Variants in PPEF2 observed in about 807,000 individuals in gnomAD.
The protein encoded by PPEF2 is protein phosphatase with EF-hand domain 2.
PPEF2 carries 84 observed loss-of-function variants against 84.7 expected under a neutral mutation model. That is an observed-to-expected ratio of 0.99 (90% CI 0.83 to 1.19). The LOEUF is 1.19. PPEF2 is among the 50% of genes most tolerant of loss of function. PPEF2 has a pLI of 0.00. For synonymous variants in PPEF2, 346 were observed against 345.2 expected (o/e 1.00, Z -0.03); for missense variants, 924 against 937.5 (o/e 0.99, Z 0.19).
Position 75,890,040 on chromosome 4 carries a change from C to A in PPEF2, c.334G>T (p.Asp112Tyr). 1 of 1,614,066 alleles carries A rather than the reference C, an allele frequency of 6.2e-7. No homozygotes were observed. The highest frequency in any genetic ancestry group is 8.5e-7 in the Non-Finnish European group (1 of 1,180,004). The change falls in exon 5 of 17, where the codon GAC becomes TAC. Residue 112 changes from aspartate to tyrosine, a missense_variant. Transcript: ENST00000286719. ...CSDYESIEVP[D>Y]SYTGPRLSFP... ...GAGAGGCGTGGCCCCGTGTAACTGT[C>A]GGGTACCTCTATGGATTCATAGTCA...
At chr4:75,902,154 T>C (rs538183201) in intron 1 of PPEF2, 76 bp downstream of exon 1, 5 of 152,338 alleles carry the variant, frequency 3.3e-5, no homozygotes, top group African/African-American at 1.2e-4. Context: ...TCTGTATTTA[T>C]TTCCTAGGTA....
intron 9 of PPEF2, 32 bp downstream of exon 9, chr4:75,883,134 G>C: frequency 6.2e-7 from 1 of 1,613,768 alleles, no homozygotes. Context: ...TATCTGAACT[G>C]AGAGAAACTT....
chr4:75,870,898 T>TA (rs2149216263), intron 13 of PPEF2, among the ~76,000 whole-genome samples: 1 of 150,930 alleles, frequency 6.6e-6, no homozygotes, highest in Admixed American at 6.6e-5. Context: ...TTTATTTATT[T>TA]ATTTATTTTT....
At chr4:75,888,140 C>G in intron 6 of PPEF2, 74 bp downstream of exon 6, 1 of 1,195,204 alleles carries the variant, frequency 8.4e-7, no homozygotes, top group Middle Eastern at 2.4e-4. Context: ...CCCGCCACTC[C>G]TCTTGCATCC....
chr4:75,889,826 G>T lies in PPEF2; in HGVS notation c.417+131C>A, dbSNP rs1051184264. ...CAAGGTCCTGGCTAAGCACAGCAGG[G>T]GTAGAATCTCTCTAGTGGACACATG... On this transcript the variant is annotated intron_variant, in intron 5 of 16. Coordinates refer to ENST00000286719, the MANE Select transcript of PPEF2 (RefSeq NM_006239.3). The T allele has an allele frequency of 7.0e-6, 7 of 1,002,068 alleles. No individual in the cohort carries two copies. In the Admixed American group the frequency reaches 1.0e-4, roughly 15 times the overall value. The allele number at this position is 1,002,068 out of a possible 1,614,324, so 62.1% of individuals were successfully genotyped here. A position where few individuals can be genotyped will look rare whatever the true frequency, so the allele number is the denominator to read the frequency against.
At chr4:75,861,872 G>T (rs1429085802) in intron 16 of PPEF2, among the ~76,000 whole-genome samples, 2 of 149,304 alleles carry the variant, frequency 1.3e-5, no homozygotes, top group Non-Finnish European at 3.0e-5. Context: ...GCCTCCCAAA[G>T]TGCTGGGATT....
At chr4:75,864,710 C>T (rs536448518) in intron 15 of PPEF2, among the ~76,000 whole-genome samples, 183 bp from the exon 16 acceptor site, 61 of 152,194 alleles carry the variant, frequency 4.0e-4, no homozygotes, top group Non-Finnish European at 7.5e-4. Flanking sequence ...AGAAGCACCT[C>T]ACCCATGATG....
intron 2 of PPEF2, among the ~76,000 whole-genome samples, chr4:75,895,197 G>A (rs1385282497): frequency 2.0e-5 from 3 of 151,100 alleles, no homozygotes; most frequent in Non-Finnish European, 2.9e-5. Flanking sequence ...GGAGGCCGAG[G>A]CGGGCAGATC....
chr4:75,899,361 T>G (rs1725071550), intron 1 of PPEF2, among the ~76,000 whole-genome samples: 2 of 152,200 alleles, frequency 1.3e-5, no homozygotes, highest in South Asian at 4.1e-4. Flanking sequence ...TTTGCTTCCT[T>G]TGGATATACA....
intron 16 of PPEF2, 65 bp downstream of exon 16, chr4:75,864,366 CAGGAAGGAG>C: frequency 1.8e-6 from 2 of 1,137,550 alleles, no homozygotes; most frequent in Admixed American, 1.8e-5. Flanking sequence ...GAGGATGAAT[CAGGAAGGAG>C]ATTAAGGGTT....
At chr4:75,880,959 C>T (rs1215904925) in intron 10 of PPEF2, among the ~76,000 whole-genome samples, 2 of 151,482 alleles carry the variant, frequency 1.3e-5, no homozygotes, top group Non-Finnish European at 2.9e-5. Flanking sequence ...GCTGCCATGC[C>T]CGGCTAATTT....
At chr4:75,865,015 C>T (rs1724093146) in intron 15 of PPEF2, among the ~76,000 whole-genome samples, 1 of 152,130 alleles carries the variant, frequency 6.6e-6, no homozygotes, top group Non-Finnish European at 1.5e-5. Flanking sequence ...CAGCTCACTG[C>T]AACCTCCGCC....
In PPEF2 at chr4:75,866,255, T is replaced by A. The variant is rs758338889; in HGVS notation, c.1854A>T (p.Ser618=). ...ACTTGTACTCCAGCATGTTGTCTGC[T>A]GAGCTGTTCACCAGCTGTGGCCTCA... ...RMLRPQLVNS[S]ADNMLEYKSW... Residue 618 remains serine, a synonymous_variant, in exon 15 of 17, where the codon TCA becomes TCT. Coordinates refer to ENST00000286719, the MANE Select transcript of PPEF2 (RefSeq NM_006239.3). 6.2e-7 allele frequency: 1 copy of A among 1,614,198 alleles called. No homozygotes were observed. The highest frequency in any genetic ancestry group is 1.1e-5 in the South Asian group (1 of 91,070).
Position 75,876,590 on chromosome 4 carries a change from A to G in PPEF2, c.1017T>C (p.Ser339=). Residue 339 remains serine, a synonymous_variant, in exon 11 of 17, where the codon TCT becomes TCC. Coordinates refer to ENST00000286719, the MANE Select transcript of PPEF2 (RefSeq NM_006239.3). ...GAAACCATGGGATGGGTCCCTGTGC[A>G]GAGCTCTTCTGGTTGGCTCTTCTCT... ...EEKRRANQKS[S]AQGPIPWFLP... The G allele has an allele frequency of 6.2e-7, 1 of 1,612,876 alleles. No individual in the cohort carries two copies. The highest frequency in any genetic ancestry group is 8.5e-7 in the Non-Finnish European group (1 of 1,179,354).
In PPEF2 at chr4:75,860,476, CAT is replaced by C; in HGVS notation, c.*189_*190del. ...GATTGTGAGGTGGGGTTGGGGCACT[CAT>C]ATACTTAAAACACATACATACACAA... On this transcript the variant is annotated 3_prime_UTR_variant, in exon 17 of 17. Transcript: ENST00000286719. The C allele has an allele frequency of 1.5e-6, 1 of 674,326 alleles. No individual in the cohort carries two copies. The highest frequency in any genetic ancestry group is 2.4e-6 in the Non-Finnish European group (1 of 408,256). The allele number at this position is 674,326 out of a possible 1,614,324, so 41.8% of individuals were successfully genotyped here.
intron 2 of PPEF2, among the ~76,000 whole-genome samples, chr4:75,894,765 C>T (rs1345785953): frequency 1.3e-5 from 2 of 152,152 alleles, no homozygotes; most frequent in Non-Finnish European, 2.9e-5. Flanking sequence ...AAATCTCTGC[C>T]TACCGGCCCC....
intron 10 of PPEF2, 123 bp from the exon 11 acceptor site, chr4:75,876,796 G>C: frequency 9.2e-7 from 1 of 1,082,874 alleles, no homozygotes; most frequent in Non-Finnish European, 1.3e-6. Context: ...ACTCAAGCCC[G>C]GGAGTTCAAG....
At position 75,863,448 on chromosome 4, in the gene PPEF2, C is replaced by T. The variant is rs193066667; in HGVS notation, c.2008+992G>A. Among the ~76,000 whole-genome samples, 102 of 148,238 alleles carry T rather than the reference C, an allele frequency of 6.9e-4. No individual in the cohort carries two copies. The East Asian group carries it at 0.018, about 26-fold the overall frequency. On this transcript the variant is annotated intron_variant, in intron 16 of 16. Coordinates refer to ENST00000286719, the MANE Select transcript of PPEF2 (RefSeq NM_006239.3). The stretch of plus-strand genomic sequence containing the variant: ...CCGGGAGGTGGAGGTTGCAGTGATC[C>T]GAGATTGTGCCACTGCACTCCAGCT...
At chr4:75,893,951 A>G (rs1724950702) in intron 2 of PPEF2, among the ~76,000 whole-genome samples, 3 of 152,172 alleles carry the variant, frequency 2.0e-5, no homozygotes, top group African/African-American at 7.2e-5. Flanking sequence ...TGGGAAGTGC[A>G]GGATCTTTTA....
Sources: allele counts gnomAD v4.1 joint callset (sites outside exome capture counted in the v4.1 genomes callset), GRCh38; gene constraint gnomAD v4.1.1; transcripts MANE v1.5; gene names NCBI Gene and HGNC (gene_info 2026-07-23, HGNC 2026-07-21).